The following STPG2 variants were observed in gnomAD, a reference collection of about 807,000 sequenced individuals.
STPG2 encodes the protein sperm-tail PG-rich repeat-containing protein 2.
In STPG2, 56 loss-of-function variants were observed where a neutral mutation model predicts 54.2. The ratio of observed to expected loss-of-function variants is 1.03; its 90% CI spans 0.83 to 1.29. The LOEUF (loss-of-function observed/expected upper bound fraction) is 1.29. Ranked by LOEUF, STPG2 falls within the 50% of genes most tolerant of loss-of-function variation. The pLI is 0.00. For synonymous variants in STPG2, 200 were observed against 181.8 expected (o/e 1.10, Z -0.81); for missense variants, 596 against 544.9 (o/e 1.09, Z -0.93).
chr4:97,599,639 C>T (rs1290945238), intron 10 of STPG2, among the ~76,000 whole-genome samples: 3 of 151,752 alleles, frequency 2.0e-5, no homozygotes, highest in African/African-American at 4.8e-5. Context: ...CTGGGTAACA[C>T]GGTGAAACCC....
intron 9 of STPG2, among the ~76,000 whole-genome samples, chr4:97,797,831 T>G (rs1727251222): frequency 3.3e-5 from 5 of 152,204 alleles, no homozygotes; most frequent in Admixed American, 2.0e-4. Flanking sequence ...CTTTTTTTGG[T>G]TGGTAGGCTA....
intron 4 of STPG2, among the ~76,000 whole-genome samples, chr4:97,509,992 C>A (rs530795229): frequency 2.6e-5 from 4 of 152,066 alleles, no homozygotes; most frequent in African/African-American, 9.6e-5. Flanking sequence ...TTGTCTTCCA[C>A]GAAACTGACA....
chr4:97,863,006 A>C lies in STPG2; in HGVS notation c.1045-22074T>G, dbSNP rs573809592. Among the ~76,000 whole-genome samples the C allele has an allele frequency of 9.8e-5, 15 of 152,314 alleles. No homozygotes were observed. The South Asian group carries it at 3.1e-3, about 32-fold the overall frequency. On this transcript the variant is annotated intron_variant, in intron 8 of 10. Coordinates refer to ENST00000295268, the MANE Select transcript of STPG2 (RefSeq NM_174952.3). Reference sequence around the variant, plus strand: ...ACAACAGAAAGCAGGAAAGATCTAAAATTGACACCCTAACATCACAATTAA... The same window carrying C: ...ACAACAGAAAGCAGGAAAGATCTAACATTGACACCCTAACATCACAATTAA...
intron 9 of STPG2, among the ~76,000 whole-genome samples, chr4:97,715,729 CA>C (rs1207137246): frequency 6.6e-6 from 1 of 151,790 alleles, no homozygotes; most frequent in African/African-American, 2.4e-5. Flanking sequence ...CATATATGAG[CA>C]TACTAAAACC....
rs114688711 is a variant in STPG2, at chr4:97,878,427, T to C, written c.1045-37495A>G. On this transcript the variant is annotated intron_variant, in intron 8 of 10. Coordinates refer to ENST00000295268, the MANE Select transcript of STPG2 (RefSeq NM_174952.3). ...TTGCCTGGACATTCAGGAATTTCTATACATCCTCTTAAATCTAGGCAGAGG... is the reference window on the plus strand; with the variant it reads ...TTGCCTGGACATTCAGGAATTTCTACACATCCTCTTAAATCTAGGCAGAGG... Among the ~76,000 whole-genome samples the C allele has an allele frequency of 9.9e-3, 1,512 of 152,322 alleles. 25 individuals carry two copies. Among genetic ancestry groups the C allele is most frequent in the African/African-American group, 0.035 (1,439 of 41,580 alleles).
Position 97,863,425 on chromosome 4 carries a change from T to A in STPG2, c.1045-22493A>T, listed in dbSNP as rs530880499. Reference sequence around the variant, plus strand: ...GAAGTTGAATCTCTGAATAGACCAATAACAGGCTCTGAAATTGATGCAATA... The same window carrying A: ...GAAGTTGAATCTCTGAATAGACCAAAAACAGGCTCTGAAATTGATGCAATA... On this transcript the variant is annotated intron_variant, in intron 8 of 10. Transcript: ENST00000295268. Among the ~76,000 whole-genome samples the A allele has an allele frequency of 2.6e-5, 4 of 152,198 alleles. No homozygotes were observed. In the South Asian group the frequency reaches 6.2e-4, roughly 24 times the overall value.
intron 5 of STPG2, among the ~76,000 whole-genome samples, chr4:98,092,538 T>A (rs34313689): frequency 1.3e-5 from 2 of 151,726 alleles, no homozygotes; most frequent in African/African-American, 4.8e-5. Flanking sequence ...ATGTTTACAT[T>A]GAAATTAATG....
At chr4:97,840,649 T>C in intron 9 of STPG2, 124 bp downstream of exon 9, 2 of 1,092,806 alleles carry the variant, frequency 1.8e-6, no homozygotes, top group Non-Finnish European at 2.6e-6. Flanking sequence ...AGAAAAATGG[T>C]TTTGTTATAC....
At chr4:97,499,940 T>C (rs994596012) in intron 4 of STPG2, among the ~76,000 whole-genome samples, 4 of 152,006 alleles carry the variant, frequency 2.6e-5, no homozygotes, top group Admixed American at 6.6e-5. Flanking sequence ...TGCATAGGCC[T>C]CATATCATTG....
intron 4 of STPG2, among the ~76,000 whole-genome samples, chr4:98,107,210 A>T (rs1739213988): frequency 6.6e-6 from 1 of 152,164 alleles, no homozygotes; most frequent in Admixed American, 6.6e-5. Flanking sequence ...CTATACACTT[A>T]TCTTTCATTT....
At chr4:98,055,551 G>A (rs147663950) in intron 5 of STPG2, among the ~76,000 whole-genome samples, 3 of 152,270 alleles carry the variant, frequency 2.0e-5, no homozygotes, top group Non-Finnish European at 4.4e-5. Context: ...TTGAAACCAT[G>A]GCAGGAAGGG....
rs551713188 is a variant in STPG2, at chr4:97,634,519, G to T, written c.1321-75402C>A. Reference sequence around the variant, plus strand: ...GACTTTGACGAGCTGAGAGAAGAAGGCTTCAGACGATCAAATTACTCTGAG... The same window carrying T: ...GACTTTGACGAGCTGAGAGAAGAAGTCTTCAGACGATCAAATTACTCTGAG... On this transcript the variant is annotated intron_variant, in intron 10 of 10. Coordinates refer to ENST00000295268, the MANE Select transcript of STPG2 (RefSeq NM_174952.3). 2.6e-5 allele frequency among the ~76,000 whole-genome samples: 4 copies of T among 152,182 alleles called. No homozygotes were observed. The South Asian group carries it at 8.3e-4, about 32-fold the overall frequency.
chr4:97,527,349 C>T (rs192064579), intron 4 of STPG2, among the ~76,000 whole-genome samples: 2 of 152,278 alleles, frequency 1.3e-5, no homozygotes, highest in East Asian at 3.9e-4. Flanking sequence ...CTTATACCTG[C>T]ATAGTATTCC....
intron 9 of STPG2, among the ~76,000 whole-genome samples, chr4:97,730,477 T>C (rs1724762716): frequency 6.6e-6 from 1 of 152,078 alleles, no homozygotes; most frequent in Non-Finnish European, 1.5e-5. Context: ...GATGCATGTG[T>C]TTTTTTGGTG....
chr4:97,756,512 G>C (rs1479776505), intron 9 of STPG2, among the ~76,000 whole-genome samples: 2 of 151,940 alleles, frequency 1.3e-5, no homozygotes, highest in Admixed American at 6.6e-5. Flanking sequence ...TTTTAGTAGA[G>C]ATGGGGTTGC....
At chr4:97,962,179 T>C (rs921088015) in intron 7 of STPG2, among the ~76,000 whole-genome samples, 1 of 152,076 alleles carries the variant, frequency 6.6e-6, no homozygotes, top group East Asian at 1.9e-4. Flanking sequence ...GGCATAAGAA[T>C]GACACAATGA....
chr4:97,569,859 A>C (rs1232531529), intron 10 of STPG2, among the ~76,000 whole-genome samples: 1 of 152,160 alleles, frequency 6.6e-6, no homozygotes, highest in Admixed American at 6.5e-5. Context: ...ATATCTATAC[A>C]GTGGAGAAAA....
chr4:98,074,473 T>A (rs10033211), intron 5 of STPG2, among the ~76,000 whole-genome samples: 59,810 of 151,718 alleles, frequency 0.39, 11,963 homozygotes, highest in Middle Eastern at 0.46. Flanking sequence ...ATGTCTTTCA[T>A]CCCTTTTGGC....
intron 5 of STPG2, among the ~76,000 whole-genome samples, chr4:98,045,577 T>C (rs1012905181): frequency 6.6e-6 from 1 of 152,204 alleles, no homozygotes; most frequent in African/African-American, 2.4e-5. Flanking sequence ...AAAAAGTCCT[T>C]ATCTCCCCTT....
Sources: allele counts gnomAD v4.1 joint callset (sites outside exome capture counted in the v4.1 genomes callset), GRCh38; gene constraint gnomAD v4.1.1; transcripts MANE v1.5; gene names NCBI Gene and HGNC (gene_info 2026-07-23, HGNC 2026-07-21).